BCR: variants seen among roughly 807,000 people sequenced by gnomAD.
The protein encoded by BCR is breakpoint cluster region protein.
In BCR, 58 loss-of-function variants were observed where a neutral mutation model predicts 138.6. The ratio of observed to expected loss-of-function variants is 0.42; its 90% CI spans 0.34 to 0.52. The LOEUF is 0.52. Ranked by LOEUF, BCR falls within the 20% of genes least tolerant of loss-of-function variation. The probability of loss-of-function intolerance (pLI) is 0.06; values close to 1 mark genes in which losing one functional copy is unlikely to be tolerated. For missense variants in BCR, 1,599 were observed against 1,727.2 expected, an observed-to-expected ratio of 0.93 and a Z score of 1.32; for synonymous variants, 786 against 730.1, an observed-to-expected ratio of 1.08 and a Z score of -1.23.
At chr22:23,281,099 G>A (rs2146296712) in intron 8 of BCR, among the ~76,000 whole-genome samples, 1 of 152,320 alleles carries the variant, frequency 6.6e-6, no homozygotes, top group Non-Finnish European at 1.5e-5. Context: ...AACACACCTG[G>A]AAACATGGAG....
At chr22:23,241,417 C>T (rs773519212) in intron 1 of BCR, among the ~76,000 whole-genome samples, 21 of 152,288 alleles carry the variant, frequency 1.4e-4, no homozygotes, top group Middle Eastern at 3.4e-3. Flanking sequence ...GGCCATGGCC[C>T]GCATCCTGGC....
At chr22:23,256,534 A>G (rs1219396541) in intron 2 of BCR, among the ~76,000 whole-genome samples, 1 of 152,110 alleles carries the variant, frequency 6.6e-6, no homozygotes, top group Non-Finnish European at 1.5e-5. Context: ...GCCGCAGGAC[A>G]ATGTCCAGTC....
chr22:23,188,734 A>T (rs970397214), intron 1 of BCR, among the ~76,000 whole-genome samples: 2 of 151,558 alleles, frequency 1.3e-5, no homozygotes, highest in African/African-American at 4.8e-5. Context: ...CTTGACCCTG[A>T]CTGGAATACA....
In BCR at chr22:23,213,033, C is replaced by T. The variant is rs538478368; in HGVS notation, c.1279+30794C>T. On this transcript the variant is annotated intron_variant, in intron 1 of 22. Coordinates refer to ENST00000305877, the MANE Select transcript of BCR (RefSeq NM_004327.4). Reference sequence around the variant, plus strand: ...CATTCTCTCTAATTTGGGAGGCTTTCGGGCTTCCTCACGGAGTGCTGCTCC... The same window carrying T: ...CATTCTCTCTAATTTGGGAGGCTTTTGGGCTTCCTCACGGAGTGCTGCTCC... 7.2e-5 allele frequency among the ~76,000 whole-genome samples: 11 copies of T among 152,310 alleles called. No individual in the cohort carries two copies. The South Asian group carries it at 8.3e-4, about 11-fold the overall frequency.
At position 23,296,274 on chromosome 22, in the gene BCR, C is replaced by T. The variant is rs200374773; in HGVS notation, c.3012+1119C>T. ...CTGTAGTCCCAGCTACTCGGGAGGC[C>T]GAGGCAGGAGAATGGCATGAACCTG... is the stretch of plus-strand genomic sequence containing the variant. On this transcript the variant is annotated intron_variant, in intron 16 of 22. Transcript: ENST00000305877. Among the ~76,000 whole-genome samples, 76 of 149,844 alleles carry T rather than the reference C, an allele frequency of 5.1e-4. No homozygotes were observed. In the East Asian group the frequency reaches 0.013, roughly 26 times the overall value.
chr22:23,270,342 C>G (rs1186364355), intron 5 of BCR, among the ~76,000 whole-genome samples: 1 of 152,118 alleles, frequency 6.6e-6, no homozygotes, highest in Non-Finnish European at 1.5e-5. Flanking sequence ...GGGAGTCAGG[C>G]CAGTTTGGGA....
intron 1 of BCR, among the ~76,000 whole-genome samples, chr22:23,193,652 A>G (rs1302925705): frequency 6.6e-6 from 1 of 152,224 alleles, no homozygotes; most frequent in Non-Finnish European, 1.5e-5. Flanking sequence ...AGGTTATGCA[A>G]TGGACTGCAT....
At chr22:23,263,723 A>C in intron 4 of BCR, 1 of 1,414,532 alleles carries the variant, frequency 7.1e-7, no homozygotes, top group South Asian at 1.1e-5. Context: ...GCTCATGAAC[A>C]GGAGGTGAAC....
At chr22:23,198,965 C>T (rs939542964) in intron 1 of BCR, among the ~76,000 whole-genome samples, 1 of 151,900 alleles carries the variant, frequency 6.6e-6, no homozygotes, top group Admixed American at 6.6e-5. Flanking sequence ...ATTACAAATA[C>T]ACAAAAATTA....
intron 1 of BCR, among the ~76,000 whole-genome samples, chr22:23,229,623 A>T (rs1221593843): frequency 6.6e-6 from 1 of 152,158 alleles, no homozygotes. Flanking sequence ...CTGGGCAGTG[A>T]TCTGTGCTGT....
chr22:23,298,444 T>C (rs1433709847), intron 16 of BCR, among the ~76,000 whole-genome samples: 1 of 152,204 alleles, frequency 6.6e-6, no homozygotes, highest in East Asian at 1.9e-4. Flanking sequence ...GGAGAGTCTT[T>C]GTCACACCCC....
chr22:23,239,077 C>T (rs116413584), intron 1 of BCR, among the ~76,000 whole-genome samples: 2,144 of 152,284 alleles, frequency 0.014, 55 homozygotes, highest in African/African-American at 0.05. Context: ...TCCTGCCCAG[C>T]TTGTCGCTTT....
In BCR at chr22:23,181,165, A is replaced by C. The variant is rs777423724; in HGVS notation, c.205A>C (p.Ser69Arg). Reference protein sequence around the residue: ...LQTLLAKEKKSYDRQRWGFRR... With the variant: ...LQTLLAKEKKRYDRQRWGFRR... ...GACGTTGCTGGCCAAGGAAAAGAAG[A>C]GCTATGACCGGCAGCGATGGGGCTT... Residue 69 changes from serine to arginine, a missense_variant, in exon 1 of 23, where the codon AGC becomes CGC. Transcript: ENST00000305877. 7.1e-7 allele frequency: 1 copy of C among 1,416,368 alleles called. No individual in the cohort carries two copies. The highest frequency in any genetic ancestry group is 2.4e-5 in the Admixed American group (1 of 42,240). 87.7% of individuals were successfully genotyped at this position (1,416,368 alleles called of 1,614,324 possible).
At position 23,195,441 on chromosome 22, in the gene BCR, T is replaced by A. The variant is rs111726346; in HGVS notation, c.1279+13202T>A. Among the ~76,000 whole-genome samples, 477 of 105,378 alleles carry A rather than the reference T, an allele frequency of 4.5e-3. 4 individuals are homozygous for A. The highest frequency in any genetic ancestry group is 0.016 in the African/African-American group (391 of 24,086). 69.1% of individuals were successfully genotyped at this position (105,378 alleles called of 152,430 possible). ...GTCTCAAAAAAAAAAAAAAAAAAAA[T>A]ATCAGCTGGGCATGTTGGTGCACGC... On this transcript the variant is annotated intron_variant, in intron 1 of 22. Transcript: ENST00000305877.
At chr22:23,284,572 CTT>C (rs1373785928) in intron 9 of BCR, among the ~76,000 whole-genome samples, 3 of 152,190 alleles carry the variant, frequency 2.0e-5, no homozygotes, top group African/African-American at 7.2e-5. Flanking sequence ...GCACGGGGCT[CTT>C]TCCTGCATCC....
At chr22:23,244,218 G>T (rs114443810) in intron 1 of BCR, among the ~76,000 whole-genome samples, 1,652 of 152,332 alleles carry the variant, frequency 0.011, 34 homozygotes, top group African/African-American at 0.037. Context: ...GTGTTGTCAG[G>T]AGAGTTCTGG....
intron 1 of BCR, among the ~76,000 whole-genome samples, chr22:23,213,435 C>T (rs567697807): frequency 1.3e-5 from 2 of 152,286 alleles, no homozygotes; most frequent in Non-Finnish European, 2.9e-5. Flanking sequence ...TCCGGAGGGA[C>T]GCTGAGCCAG....
chr22:23,285,258 C>T (rs899246821), intron 10 of BCR, 57 bp downstream of exon 10: 51 of 1,535,042 alleles, frequency 3.3e-5, no homozygotes, highest in Middle Eastern at 2.3e-4. Flanking sequence ...CAGCAGCCCC[C>T]GCACACGGCC....
intron 9 of BCR, 100 bp downstream of exon 9, chr22:23,284,198 G>C (rs983460847): frequency 6.7e-7 from 1 of 1,481,804 alleles, no homozygotes; most frequent in East Asian, 2.5e-5. Flanking sequence ...GATGTAGCTC[G>C]TTACATTCCG....
Sources: gnomAD v4.1 joint callset for allele counts (sites outside exome capture counted in the v4.1 genomes callset) on GRCh38, gnomAD v4.1.1 for gene constraint, MANE v1.5 for transcripts, NCBI Gene and HGNC (gene_info 2026-07-23, HGNC 2026-07-21) for gene names.